Variants in UGT1A7 observed in about 807,000 individuals in gnomAD.
UGT1A7 encodes UDP-glucuronosyltransferase 1A7.
A neutral mutation model predicts 45.6 loss-of-function variants in UGT1A7; 33 were observed. The ratio of observed to expected loss-of-function variants is 0.72; its 90% CI spans 0.55 to 0.97. The LOEUF (loss-of-function observed/expected upper bound fraction) is 0.97, where lower values mean the gene tolerates loss of function less well. UGT1A7 is among the 50% of genes least tolerant of loss of function. UGT1A7 has a pLI of 0.00. For synonymous variants in UGT1A7, 274 were observed against 250.6 expected, an observed-to-expected ratio of 1.09 and a Z score of -0.88; for missense variants, 684 against 666.2, an observed-to-expected ratio of 1.03 and a Z score of -0.29.
intron 1 of UGT1A7, among the ~76,000 whole-genome samples, chr2:233,723,421 G>T (rs2077083067): frequency 7.4e-6 from 1 of 135,012 alleles, no homozygotes; most frequent in South Asian, 2.8e-4. Context: ...TACTGGTCAG[G>T]CTGGTCTCGA....
chr2:233,715,559 C>G (rs1347075985), intron 1 of UGT1A7, among the ~76,000 whole-genome samples: 2 of 152,016 alleles, frequency 1.3e-5, no homozygotes, highest in African/African-American at 2.4e-5. Flanking sequence ...ATTGCTTGAG[C>G]CCAGGAGTCT....
At chr2:233,719,619 AG>A in intron 1 of UGT1A7, 1 of 1,614,060 alleles carries the variant, frequency 6.2e-7, no homozygotes, top group Non-Finnish European at 8.5e-7. Context: ...GGACTACCCC[AG>A]GCCGATCATG....
rs143192680 is a variant in UGT1A7, at chr2:233,767,666, C to G, written c.988-183C>G. 1.9e-3 allele frequency among the ~76,000 whole-genome samples: 295 copies of G among 152,308 alleles called. 3 individuals carry two copies. The highest frequency in any genetic ancestry group is 0.013 in the Admixed American group (199 of 15,308). On this transcript the variant is annotated intron_variant, in intron 2 of 4. Coordinates refer to ENST00000373426, the MANE Select transcript of UGT1A7 (RefSeq NM_019077.3). ...TCACGTAGTGCATACACCCTTGTAA[C>G]TAAACCTCCAAAACAAGATGCCGGA...
intron 1 of UGT1A7, chr2:233,756,022 T>C (rs1696092015): frequency 6.6e-6 from 1 of 152,142 alleles, no homozygotes; most frequent in Non-Finnish European, 1.5e-5. Context: ...ATATTACACA[T>C]CCCCCATGTA....
chr2:233,772,555 A>G lies in UGT1A7; in HGVS notation c.1589A>G (p.His530Arg), dbSNP rs1350310639. Reference sequence around the variant, plus strand: ...AAGAAAGCCCACAAATCCAAGACCCATTGAGAAGTGGGTGGGAAATAAGGT... The same window carrying G: ...AAGAAAGCCCACAAATCCAAGACCCGTTGAGAAGTGGGTGGGAAATAAGGT... The part of the protein sequence containing the change: ...RVKKAHKSKT[H>R] The change falls in exon 5 of 5, where the codon CAT becomes CGT. Residue 530 changes from histidine to arginine, a missense_variant. Transcript: ENST00000373426. The G allele has an allele frequency of 3.1e-6, 5 of 1,613,990 alleles. No homozygotes were observed. In the South Asian group the frequency reaches 5.5e-5, roughly 18 times the overall value.
intron 1 of UGT1A7, among the ~76,000 whole-genome samples, chr2:233,761,952 C>G (rs1458039003): frequency 6.6e-6 from 1 of 152,184 alleles, no homozygotes; most frequent in Non-Finnish European, 1.5e-5. Context: ...CGTCTGGCTC[C>G]CATTAAGGGG....
chr2:233,700,921 G>C (rs557819327), intron 1 of UGT1A7, among the ~76,000 whole-genome samples: 1 of 151,366 alleles, frequency 6.6e-6, no homozygotes, highest in South Asian at 2.1e-4. Context: ...CTCTTCCTGT[G>C]TCTGTGTGTG....
rs1699877276 is a variant in UGT1A7, at chr2:233,769,473, G to T, written c.1295+1034G>T. 7 of 1,609,972 alleles carry T rather than the reference G, an allele frequency of 4.3e-6. No homozygotes were observed. Among genetic ancestry groups the T allele is most frequent in the South Asian group, 2.2e-5 (2 of 90,952 alleles). On this transcript the variant is annotated intron_variant, in intron 4 of 4. Transcript: ENST00000373426. The surrounding 1 kb of genome is among the most constrained non-coding windows in gnomAD (Gnocchi z 4.4). ...CGTGTGCATTCATATGCGTGTGTGT[G>T]TGTGTGCGTGTGTTTATGAGAGTGT... is the stretch of plus-strand genomic sequence containing the variant.
Position 233,767,853 on chromosome 2 carries a change from TG to T in UGT1A7, c.993del (p.Trp332GlyfsTer31), listed in dbSNP as rs1559414567. 7 of 1,614,210 alleles carry T rather than the reference TG, an allele frequency of 4.3e-6. No homozygotes were observed. Among genetic ancestry groups the T allele is most frequent in the Non-Finnish European group, 5.9e-6 (7 of 1,180,034 alleles). ...TGCTCTTTTTGCCCCTCCCAGGTCCTGTGGCGGTACACTGGAACCCGACCAT... is the reference window on the plus strand; with the variant it reads ...TGCTCTTTTTGCCCCTCCCAGGTCCTTGGCGGTACACTGGAACCCGACCAT... Reference protein sequence around the residue: ...DALGKIPQTVLWRYTGTRPSN... With the variant: ...DALGKIPQTVXWRYTGTRPSN... On this transcript the variant is annotated frameshift_variant, in exon 3 of 5. Coordinates refer to ENST00000373426, the MANE Select transcript of UGT1A7 (RefSeq NM_019077.3). LOFTEE classifies it high-confidence loss of function.
At position 233,729,298 on chromosome 2, in the gene UGT1A7, G is replaced by A. The variant is rs140541315; in HGVS notation, c.856-37736G>A. On this transcript the variant is annotated intron_variant, in intron 1 of 4. Transcript: ENST00000373426. ...GGAGCTCCATGCCAGAGGCCACCAG[G>A]CAGTGGTCCTCACCCCAGAGGTGAA... 186 of 1,614,254 alleles carry A rather than the reference G, an allele frequency of 1.2e-4. No individual in the cohort carries two copies. In the African/African-American group the frequency reaches 1.9e-3, roughly 17 times the overall value.
intron 1 of UGT1A7, among the ~76,000 whole-genome samples, chr2:233,708,873 C>T (rs936265781): frequency 1.1e-4 from 16 of 151,932 alleles, no homozygotes; most frequent in Admixed American, 7.9e-4. Context: ...TATTGGTTCA[C>T]ATACTAGAAC....
chr2:233,728,547 T>G (rs547390241), intron 1 of UGT1A7, among the ~76,000 whole-genome samples: 2 of 152,326 alleles, frequency 1.3e-5, no homozygotes, highest in African/African-American at 4.8e-5. Flanking sequence ...GAGTCCTCTC[T>G]GATCCTTACA....
chr2:233,729,874 A>C (rs1272831634), intron 1 of UGT1A7: 1 of 1,613,832 alleles, frequency 6.2e-7, no homozygotes, highest in Non-Finnish European at 8.5e-7. Flanking sequence ...GGATATTCTC[A>C]GTCATGCATC....
intron 1 of UGT1A7, among the ~76,000 whole-genome samples, chr2:233,757,568 A>ATATATATATATATATATATC (rs1696661304): frequency 7.0e-6 from 1 of 142,136 alleles, no homozygotes; most frequent in Non-Finnish European, 1.5e-5. Flanking sequence ...ATATGTATAT[A>ATATATATATATATATATATC]TGATATAGCT....
chr2:233,772,087 C>T (rs958943778), intron 4 of UGT1A7, among the ~76,000 whole-genome samples, 175 bp from the exon 5 acceptor site: 4 of 152,100 alleles, frequency 2.6e-5, no homozygotes, highest in African/African-American at 4.8e-5. Flanking sequence ...CACTCCAGCC[C>T]GGGCAACAGG....
At chr2:233,712,262 T>G (rs1270284843) in intron 1 of UGT1A7, among the ~76,000 whole-genome samples, 1 of 152,236 alleles carries the variant, frequency 6.6e-6, no homozygotes, top group African/African-American at 2.4e-5. Context: ...TGCACATGTG[T>G]GCTTTAGACA....
intron 1 of UGT1A7, among the ~76,000 whole-genome samples, chr2:233,710,055 G>A (rs2076107757): frequency 6.6e-6 from 1 of 152,172 alleles, no homozygotes; most frequent in Non-Finnish European, 1.5e-5. Context: ...CTTTGGCTCG[G>A]CATAATGTCT....
chr2:233,772,615 T>C lies in UGT1A7; in HGVS notation c.*56T>C. ...AACCATTCCCTAGTCATTTCCAAAC[T>C]TGAAAACAGAATCAGTGTTAAATTC... On this transcript the variant is annotated 3_prime_UTR_variant, in exon 5 of 5. Coordinates refer to ENST00000373426, the MANE Select transcript of UGT1A7 (RefSeq NM_019077.3). 6.3e-7 allele frequency: 1 copy of C among 1,574,876 alleles called. No individual in the cohort carries two copies. The highest frequency in any genetic ancestry group is 8.6e-7 in the Non-Finnish European group (1 of 1,159,332).
chr2:233,713,749 C>G (rs1291086898), intron 1 of UGT1A7: 3 of 1,613,848 alleles, frequency 1.9e-6, no homozygotes, highest in South Asian at 2.2e-5. Context: ...AGCCATGCAT[C>G]TGTGTGGCTG....
Sources: gnomAD v4.1 joint callset for allele counts (sites outside exome capture counted in the v4.1 genomes callset) on GRCh38, gnomAD v4.1.1 for gene constraint, Gnocchi (gnomAD v3.1) non-coding constraint, MANE v1.5 for transcripts, NCBI Gene and HGNC (gene_info 2026-07-23, HGNC 2026-07-21) for gene names.